The following RALGPS1 variants were observed in gnomAD, a reference collection of about 807,000 sequenced individuals.
The protein encoded by RALGPS1 is ras-specific guanine nucleotide-releasing factor RalGPS1.
In RALGPS1, 19 loss-of-function variants were observed where a neutral mutation model predicts 78.8. The ratio of observed to expected loss-of-function variants is 0.24; its 90% confidence interval spans 0.17 to 0.35. RALGPS1 has a LOEUF of 0.35. Among genes scored for constraint, RALGPS1 ranks in the 10% least tolerant of loss-of-function variants. The pLI is 1.00. For synonymous variants in RALGPS1, 228 were observed against 256.3 expected (o/e 0.89, Z 1.06); for missense variants, 454 against 688.3 (o/e 0.66, Z 3.81).
chr9:126,955,021 A>C (rs2038211095), intron 1 of RALGPS1, among the ~76,000 whole-genome samples: 1 of 152,228 alleles, frequency 6.6e-6, no homozygotes. Flanking sequence ...TTCCCTCTGC[A>C]AAGAATACTC....
At chr9:126,934,826 A>G (rs1019360853) in intron 1 of RALGPS1, among the ~76,000 whole-genome samples, 41 of 152,062 alleles carry the variant, frequency 2.7e-4, no homozygotes, top group African/African-American at 9.9e-4. Context: ...ACCTACCCAG[A>G]AGCCCCCCTC....
At chr9:127,136,473 C>T (rs921341612) in intron 8 of RALGPS1, among the ~76,000 whole-genome samples, 1 of 152,226 alleles carries the variant, frequency 6.6e-6, no homozygotes, top group African/African-American at 2.4e-5. Flanking sequence ...ACCACTCACT[C>T]GCTGCAGAAG....
chr9:127,141,409 C>A (rs1391944699), intron 8 of RALGPS1, among the ~76,000 whole-genome samples: 1 of 152,012 alleles, frequency 6.6e-6, no homozygotes, highest in African/African-American at 2.4e-5. Flanking sequence ...TGCCTCCCTC[C>A]CTAGCCATCT....
chr9:126,969,066 T>A (rs1164100347), intron 3 of RALGPS1, among the ~76,000 whole-genome samples: 1 of 151,840 alleles, frequency 6.6e-6, no homozygotes, highest in African/African-American at 2.4e-5. Flanking sequence ...AAAAAAAAAA[T>A]TTCTAGTAAC....
At chr9:127,090,326 C>T (rs2052312913) in intron 8 of RALGPS1, among the ~76,000 whole-genome samples, 1 of 152,234 alleles carries the variant, frequency 6.6e-6, no homozygotes, top group Admixed American at 6.5e-5. Flanking sequence ...TGTAGCAGCC[C>T]CTGTGTCCCA....
intron 4 of RALGPS1, among the ~76,000 whole-genome samples, 182 bp from the exon 5 acceptor site, chr9:127,034,249 G>T (rs1032479665): frequency 6.6e-6 from 1 of 152,100 alleles, no homozygotes; most frequent in Non-Finnish European, 1.5e-5. Flanking sequence ...CTCATTTCTG[G>T]TAGTCCCAGG....
At chr9:126,949,218 G>A (rs957801735) in intron 1 of RALGPS1, among the ~76,000 whole-genome samples, 4 of 151,912 alleles carry the variant, frequency 2.6e-5, no homozygotes, top group African/African-American at 4.8e-5. Context: ...ATCATTGTTG[G>A]ACATTTGGGT....
chr9:127,113,664 T>C (rs1037509067), intron 8 of RALGPS1, among the ~76,000 whole-genome samples: 15 of 152,214 alleles, frequency 9.9e-5, no homozygotes, highest in Non-Finnish European at 1.8e-4. Context: ...TTAAAATTGC[T>C]TTTCCACATT....
chr9:127,068,710 G>A (rs756093573), intron 7 of RALGPS1, among the ~76,000 whole-genome samples: 2 of 152,096 alleles, frequency 1.3e-5, no homozygotes, highest in African/African-American at 2.4e-5. Context: ...TTATTGAAGT[G>A]GCACTGTATA....
chr9:127,078,849 C>T (rs1412250147), intron 8 of RALGPS1, among the ~76,000 whole-genome samples: 1 of 152,210 alleles, frequency 6.6e-6, no homozygotes, highest in Non-Finnish European at 1.5e-5. Flanking sequence ...TAGAAACTAA[C>T]ACTAATTACA....
chr9:127,098,891 T>C (rs896959365), intron 8 of RALGPS1, among the ~76,000 whole-genome samples: 1 of 152,220 alleles, frequency 6.6e-6, no homozygotes, highest in Non-Finnish European at 1.5e-5. Flanking sequence ...TCAGCCTGAT[T>C]TACCCGTCCA....
intron 8 of RALGPS1, chr9:127,093,883 G>T: frequency 6.2e-7 from 1 of 1,614,070 alleles, no homozygotes. Context: ...TGGAGCTGGT[G>T]TCGTGGCCAT....
intron 10 of RALGPS1, among the ~76,000 whole-genome samples, chr9:127,170,214 G>C (rs2059498607): frequency 6.6e-6 from 1 of 152,146 alleles, no homozygotes; most frequent in Non-Finnish European, 1.5e-5. Context: ...AAGACCCTAA[G>C]GGGAACGGAT....
chr9:127,035,975 C>T (rs1357031821), intron 5 of RALGPS1, among the ~76,000 whole-genome samples: 2 of 152,064 alleles, frequency 1.3e-5, no homozygotes, highest in East Asian at 1.9e-4. Flanking sequence ...TGACTGGGAG[C>T]CAACTCAGTC....
intron 11 of RALGPS1, chr9:127,178,173 G>A (rs1340240186): frequency 1.8e-5 from 10 of 545,008 alleles, no homozygotes; most frequent in Admixed American, 1.0e-4. Flanking sequence ...AAGCAGGAGC[G>A]AGCAGAGAAA....
At chr9:127,062,925 T>A (rs930765303) in intron 7 of RALGPS1, among the ~76,000 whole-genome samples, 2 of 152,212 alleles carry the variant, frequency 1.3e-5, no homozygotes, top group Non-Finnish European at 2.9e-5. Context: ...GTTCATTTCC[T>A]TACTGATTCC....
intron 1 of RALGPS1, among the ~76,000 whole-genome samples, chr9:126,941,812 A>T (rs1315795512): frequency 6.6e-6 from 1 of 152,194 alleles, no homozygotes; most frequent in Admixed American, 6.5e-5. Flanking sequence ...ATCCCATTGA[A>T]TGGATGTGTT....
At chr9:127,119,109 C>T (rs1054178614) in intron 8 of RALGPS1, among the ~76,000 whole-genome samples, 3 of 152,194 alleles carry the variant, frequency 2.0e-5, no homozygotes, top group African/African-American at 7.2e-5. Context: ...GAGACAGTAT[C>T]GCAGAGCACC....
At chr9:126,982,596 ATTG>A (rs368999070) in intron 4 of RALGPS1, among the ~76,000 whole-genome samples, 324 of 151,974 alleles carry the variant, frequency 2.1e-3, no homozygotes, top group African/African-American at 7.2e-3. Flanking sequence ...TATTATTACT[ATTG>A]TTGTTGTTGT....
Sources: gnomAD v4.1 joint callset for allele counts (sites outside exome capture counted in the v4.1 genomes callset) on GRCh38, gnomAD v4.1.1 for gene constraint, MANE v1.5 for transcripts, NCBI Gene and HGNC (gene_info 2026-07-23, HGNC 2026-07-21) for gene names.